Variants in EIF2S2 observed in about 807,000 individuals in gnomAD.
EIF2S2 encodes the protein eukaryotic translation initiation factor 2 subunit beta.
A neutral mutation model predicts 44.0 loss-of-function variants in EIF2S2; 4 were observed. That is an observed-to-expected ratio of 0.09 (90% CI 0.04 to 0.21). The LOEUF (loss-of-function observed/expected upper bound fraction) is 0.21. Ranked by LOEUF, EIF2S2 falls within the 10% of genes least tolerant of loss-of-function variation. EIF2S2 has a pLI of 1.00. For synonymous variants in EIF2S2, 108 were observed against 128.3 expected (o/e 0.84, Z 1.07); for missense variants, 154 against 392.0 (o/e 0.39, Z 5.13).
chr20:34,089,168 C>A lies in EIF2S2; in HGVS notation c.*562G>T, dbSNP rs1343361326. The A allele has an allele frequency of 6.5e-6, 1 of 152,714 alleles. No homozygotes were observed. The highest frequency in any genetic ancestry group is 1.9e-4 in the East Asian group (1 of 5,196). 9.5% of individuals were successfully genotyped at this position (152,714 alleles called of 1,614,324 possible). ...CCATCCCCACATACGGAAAAGAATT[C>A]AAATCTATGGAGTCATTCCCTGGAC... On this transcript the variant is annotated 3_prime_UTR_variant, in exon 9 of 9. Transcript: ENST00000374980.
Position 34,097,398 on chromosome 20 carries a change from C to G in EIF2S2, c.534+18G>C. 1 of 1,603,500 alleles carries G rather than the reference C, an allele frequency of 6.2e-7. No homozygotes were observed. Among genetic ancestry groups the G allele is most frequent in the Non-Finnish European group, 8.5e-7 (1 of 1,173,034 alleles). On this transcript the variant is annotated intron_variant, in intron 5 of 8. Transcript: ENST00000374980. Reference sequence around the variant, plus strand: ...TAGTGAATAGCTTAGCCCCTTTTCACAACAGATTTTGTCTTACCTCCTCGT... The same window carrying G: ...TAGTGAATAGCTTAGCCCCTTTTCAGAACAGATTTTGTCTTACCTCCTCGT...
intron 2 of EIF2S2, among the ~76,000 whole-genome samples, chr20:34,104,264 T>C (rs1208245557): frequency 1.3e-5 from 2 of 152,178 alleles, no homozygotes; most frequent in Non-Finnish European, 2.9e-5. Flanking sequence ...CCTACTGCAA[T>C]ATACGTGCGG....
intron 3 of EIF2S2, among the ~76,000 whole-genome samples, chr20:34,100,285 G>C (rs1446764435): frequency 6.6e-6 from 1 of 152,208 alleles, no homozygotes; most frequent in Admixed American, 6.5e-5. Flanking sequence ...AAAGTGCTGG[G>C]ATTATAGGTG....
chr20:34,103,494 A>G lies in EIF2S2; in HGVS notation c.265T>C (p.Phe89Leu). ...KKKKKKTKKIFDIDEAEEGVK... is the reference protein window; with the variant it reads ...KKKKKKTKKILDIDEAEEGVK... ...CCTTCTTCAGCTTCATCAATATCAA[A>G]TATCTTTTTAGTTTTTTTCTTCTTT... is the stretch of plus-strand genomic sequence containing the variant. The change falls in exon 3 of 9, where the codon TTT becomes CTT. Residue 89 changes from phenylalanine to leucine, a missense_variant. This residue lies in a region of EIF2S2 where 134 missense variants were observed against 225.0 expected (regional missense o/e 0.60). Coordinates refer to ENST00000374980, the MANE Select transcript of EIF2S2 (RefSeq NM_003908.5). 3 of 1,565,728 alleles carry G rather than the reference A, an allele frequency of 1.9e-6. No homozygotes were observed. Among genetic ancestry groups the G allele is most frequent in the Non-Finnish European group, 2.6e-6 (3 of 1,152,080 alleles).
At chr20:34,103,897 G>A (rs1333121908) in intron 2 of EIF2S2, among the ~76,000 whole-genome samples, 1 of 151,996 alleles carries the variant, frequency 6.6e-6, no homozygotes, top group Non-Finnish European at 1.5e-5. Context: ...TTTAAGTAGA[G>A]ACAGGGTTTC....
Position 34,097,521 on chromosome 20 carries a change from A to T in EIF2S2, c.434-5T>A. 1 of 1,611,082 alleles carries T rather than the reference A, an allele frequency of 6.2e-7. No individual in the cohort carries two copies. The highest frequency in any genetic ancestry group is 8.5e-7 in the Non-Finnish European group (1 of 1,179,426). ...TGTTGTCTTCATCTTCTAGAGCTAC[A>T]GATAAAAAAGATTTTAAGAATGAGG... On this transcript the variant is annotated splice_region_variant and splice_polypyrimidine_tract_variant and intron_variant, in intron 4 of 8. Coordinates refer to ENST00000374980, the MANE Select transcript of EIF2S2 (RefSeq NM_003908.5).
chr20:34,109,071 C>T (rs1478017525), intron 1 of EIF2S2, among the ~76,000 whole-genome samples: 1 of 152,082 alleles, frequency 6.6e-6, no homozygotes, highest in African/African-American at 2.4e-5. Context: ...GCTGAGATTA[C>T]ATGTGAATGC....
intron 1 of EIF2S2, among the ~76,000 whole-genome samples, chr20:34,110,897 T>C (rs980148523): frequency 1.3e-5 from 2 of 152,240 alleles, no homozygotes; most frequent in South Asian, 4.1e-4. Context: ...AACTTTCAGT[T>C]TCTCTAACCC....
In EIF2S2 at chr20:34,105,510, CTTT is replaced by C. The variant is rs758551146; in HGVS notation, c.48_50del (p.Lys21del). On this transcript the variant is annotated inframe_deletion, in exon 2 of 9. Transcript: ENST00000374980. ...CTAACATAAAAGGCTTCTTCTTCTT[CTTT>C]TTCTTCTTGCTCATAGTAGGATCAA... 6.2e-7 allele frequency: 1 copy of C among 1,607,326 alleles called. No individual in the cohort carries two copies. The highest frequency in any genetic ancestry group is 8.5e-7 in the Non-Finnish European group (1 of 1,177,576).
chr20:34,112,052 T>C, intron 1 of EIF2S2, 44 bp downstream of exon 1: 2 of 1,459,222 alleles, frequency 1.4e-6, no homozygotes, highest in Non-Finnish European at 1.8e-6. Flanking sequence ...GGGTTAGGCT[T>C]CTCGCCTCAA....
chr20:34,107,736 C>T (rs537015564), intron 1 of EIF2S2, among the ~76,000 whole-genome samples: 114 of 152,310 alleles, frequency 7.5e-4, no homozygotes, highest in Non-Finnish European at 1.4e-3. Flanking sequence ...TGGAACTAGA[C>T]TGAAACCAAG....
At chr20:34,110,313 C>G (rs892987848) in intron 1 of EIF2S2, among the ~76,000 whole-genome samples, 1 of 152,058 alleles carries the variant, frequency 6.6e-6, no homozygotes, top group Non-Finnish European at 1.5e-5. Flanking sequence ...AAAATACTTA[C>G]CTAGTCAACA....
intron 3 of EIF2S2, among the ~76,000 whole-genome samples, chr20:34,102,700 C>T (rs1212884590): frequency 6.6e-6 from 1 of 152,132 alleles, no homozygotes; most frequent in Non-Finnish European, 1.5e-5. Flanking sequence ...TGTGTGCGCG[C>T]TCTATGTGAG....
chr20:34,094,462 A>C (rs551538136), intron 6 of EIF2S2, among the ~76,000 whole-genome samples: 51 of 152,338 alleles, frequency 3.3e-4, no homozygotes, highest in African/African-American at 1.1e-3. Flanking sequence ...AAATGTGTCA[A>C]AAGTTCAACA....
chr20:34,110,042 G>A (rs1269494106), intron 1 of EIF2S2, among the ~76,000 whole-genome samples: 1 of 143,676 alleles, frequency 7.0e-6, no homozygotes, highest in African/African-American at 2.6e-5. Flanking sequence ...CGGTTGCGGT[G>A]AGCCGAGATC....
chr20:34,112,220 C>G lies in EIF2S2; in HGVS notation c.-110G>C, dbSNP rs1044261204. The G allele has an allele frequency of 2.5e-6, 3 of 1,212,654 alleles. No individual in the cohort carries two copies. The African/African-American group carries it at 4.7e-5, about 19-fold the overall frequency. 75.1% of individuals were successfully genotyped at this position (1,212,654 alleles called of 1,614,324 possible). ...ACCTCTCCCACCACCGCACTAGGCT[C>G]TTGCATCAGCGAAAGGAAACGACAC... On this transcript the variant is annotated 5_prime_UTR_variant, in exon 1 of 9. Coordinates refer to ENST00000374980, the MANE Select transcript of EIF2S2 (RefSeq NM_003908.5).
At chr20:34,097,549 T>A in intron 4 of EIF2S2, 33 bp from the exon 5 acceptor site, 2 of 1,572,448 alleles carry the variant, frequency 1.3e-6, no homozygotes, top group Non-Finnish European at 1.7e-6. Flanking sequence ...GAATGAGGGG[T>A]GGGCCCTACT....
At chr20:34,111,440 A>T (rs906700560) in intron 1 of EIF2S2, among the ~76,000 whole-genome samples, 2 of 152,204 alleles carry the variant, frequency 1.3e-5, no homozygotes, top group African/African-American at 4.8e-5. Context: ...AGATCCAGCC[A>T]GTTTCACAGC....
chr20:34,089,036 T>C lies in EIF2S2; in HGVS notation c.*694A>G, dbSNP rs751566078. 5.2e-4 allele frequency: 80 copies of C among 152,620 alleles called. 3 individuals carry two copies. The highest frequency in any genetic ancestry group is 7.3e-5 in the Non-Finnish European group (5 of 68,058). 9.5% of individuals were successfully genotyped at this position (152,620 alleles called of 1,614,324 possible). A position where few individuals can be genotyped will look rare whatever the true frequency, so the allele number is the denominator to read the frequency against. On this transcript the variant is annotated 3_prime_UTR_variant, in exon 9 of 9. Coordinates refer to ENST00000374980, the MANE Select transcript of EIF2S2 (RefSeq NM_003908.5). Reference sequence around the variant, plus strand: ...AGTTACAAGACACATTTACAGGCTATGTTTCTAAGACCTCTTAGTGGCCAA... The same window carrying C: ...AGTTACAAGACACATTTACAGGCTACGTTTCTAAGACCTCTTAGTGGCCAA...
Sources: allele counts gnomAD v4.1 joint callset (sites outside exome capture counted in the v4.1 genomes callset), GRCh38; gene constraint gnomAD v4.1.1; regional missense constraint gnomAD v4.1.1; transcripts MANE v1.5; gene names NCBI Gene and HGNC (gene_info 2026-07-23, HGNC 2026-07-21).